CADM2: variants seen among roughly 807,000 people sequenced by gnomAD.
CADM2 encodes the protein cell adhesion molecule 2, also known as immunoglobulin superfamily member 4D.
In CADM2, 12 loss-of-function variants were observed where a neutral mutation model predicts 49.8. That is an observed-to-expected ratio of 0.24 (90% CI 0.15 to 0.39). The LOEUF is 0.39. Among genes scored for constraint, CADM2 ranks in the 10% least tolerant of loss-of-function variants. The pLI, the probability that CADM2 is intolerant of heterozygous loss-of-function variation, is 1.00. For missense variants in CADM2, 378 were observed against 492.3 expected (o/e 0.77, Z 2.20); for synonymous variants, 214 against 175.4 (o/e 1.22, Z -1.74).
At chr3:85,347,059 CT>C (rs1233457321) in intron 1 of CADM2, among the ~76,000 whole-genome samples, 1 of 151,610 alleles carries the variant, frequency 6.6e-6, no homozygotes, top group Non-Finnish European at 1.5e-5. Flanking sequence ...CCCGTCTCTA[CT>C]AAAAATACAA....
intron 1 of CADM2, among the ~76,000 whole-genome samples, chr3:85,462,226 C>T (rs2038280314): frequency 6.6e-6 from 1 of 152,232 alleles, no homozygotes; most frequent in South Asian, 2.1e-4. Context: ...AATATCCCCC[C>T]AATATAATTT....
chr3:85,660,189 G>A (rs900914661), intron 1 of CADM2, among the ~76,000 whole-genome samples: 2 of 151,998 alleles, frequency 1.3e-5, no homozygotes, highest in African/African-American at 4.8e-5. Context: ...AGAGATTTCT[G>A]TATTTTTGTT....
intron 8 of CADM2, among the ~76,000 whole-genome samples, chr3:86,031,855 A>G (rs969439198): frequency 6.6e-6 from 1 of 151,780 alleles, no homozygotes; most frequent in African/African-American, 2.4e-5. Flanking sequence ...TAAGAAAAAC[A>G]ACTTGAAAAG....
At chr3:85,967,301 G>C (rs190835699) in intron 8 of CADM2, among the ~76,000 whole-genome samples, 8 of 151,666 alleles carry the variant, frequency 5.3e-5, no homozygotes, top group Admixed American at 1.3e-4. Context: ...GTCATGGATG[G>C]TATCTTTTCT....
intron 1 of CADM2, among the ~76,000 whole-genome samples, chr3:85,688,050 A>G (rs534347614): frequency 1.3e-5 from 2 of 152,246 alleles, no homozygotes; most frequent in South Asian, 2.1e-4. Flanking sequence ...TCCTGAAACC[A>G]TCACCCCCAG....
chr3:85,963,994 T>C (rs1160396355), intron 8 of CADM2, among the ~76,000 whole-genome samples: 2 of 151,926 alleles, frequency 1.3e-5, no homozygotes, highest in Non-Finnish European at 2.9e-5. Flanking sequence ...CATATTATGC[T>C]GTGTTTAAAA....
At position 85,802,243 on chromosome 3, in the gene CADM2, C is replaced by T. The variant is rs1034995310; in HGVS notation, c.238+47C>T. On this transcript the variant is annotated intron_variant, in intron 3 of 9. Coordinates refer to ENST00000383699, the MANE Select transcript of CADM2 (RefSeq NM_001167675.2). ...TGTTTTAATCGTATTCTAAAATATC[C>T]TAATTACAATAAATTTATTTTTCTG... The T allele has an allele frequency of 4.7e-6, 7 of 1,489,398 alleles. No individual in the cohort carries two copies. The African/African-American group carries it at 8.5e-5, about 18-fold the overall frequency. 92.3% of individuals were successfully genotyped at this position (1,489,398 alleles called of 1,614,324 possible). A position where few individuals can be genotyped will look rare whatever the true frequency, so the allele number is the denominator to read the frequency against.
At chr3:85,525,167 A>T (rs142118443) in intron 1 of CADM2, among the ~76,000 whole-genome samples, 1 of 152,352 alleles carries the variant, frequency 6.6e-6, no homozygotes, top group South Asian at 2.1e-4. Context: ...AAAAATTAAA[A>T]AATAAAACAT....
intron 1 of CADM2, among the ~76,000 whole-genome samples, chr3:85,066,537 G>A (rs1257071276): frequency 6.6e-6 from 1 of 151,928 alleles, no homozygotes; most frequent in Non-Finnish European, 1.5e-5. Flanking sequence ...ACATGCACCT[G>A]CACGCACACA....
At position 85,817,836 on chromosome 3, in the gene CADM2, A is replaced by T. The variant is rs115749881; in HGVS notation, c.238+15640A>T. On this transcript the variant is annotated intron_variant, in intron 3 of 9. Coordinates refer to ENST00000383699, the MANE Select transcript of CADM2 (RefSeq NM_001167675.2). ...TCAAAAACAAATAAACAAACAAAAA[A>T]ACCTTCTTGAGGACAATGAGTTTTG... 5.3e-3 allele frequency among the ~76,000 whole-genome samples: 802 copies of T among 151,740 alleles called. 4 individuals carry two copies. The highest frequency in any genetic ancestry group is 0.019 in the African/African-American group (773 of 41,374).
chr3:84,963,691 A>G (rs2030742758), intron 1 of CADM2, among the ~76,000 whole-genome samples: 1 of 152,318 alleles, frequency 6.6e-6, no homozygotes, highest in Middle Eastern at 3.4e-3. Flanking sequence ...TTGGACGTAC[A>G]TAATACTTGC....
At chr3:85,653,718 C>T (rs4355292) in intron 1 of CADM2, among the ~76,000 whole-genome samples, 58,307 of 151,794 alleles carry the variant, frequency 0.38, 12,299 homozygotes, top group East Asian at 0.54. Context: ...GGAGTTTAAA[C>T]TTATGGGCGT....
At chr3:85,693,915 G>GA (rs146148213) in intron 1 of CADM2, among the ~76,000 whole-genome samples, 365 of 121,974 alleles carry the variant, frequency 3.0e-3, no homozygotes, top group African/African-American at 8.5e-3. Flanking sequence ...AAAGAAAAAA[G>GA]AAAAAAAAAA....
chr3:85,010,060 A>G (rs1312290294), intron 1 of CADM2, among the ~76,000 whole-genome samples: 2 of 152,062 alleles, frequency 1.3e-5, no homozygotes, highest in Non-Finnish European at 2.9e-5. Context: ...AAATCCACTA[A>G]TCATATTCAT....
chr3:85,455,144 GAGGAT>G (rs1474231172), intron 1 of CADM2, among the ~76,000 whole-genome samples: 1 of 152,122 alleles, frequency 6.6e-6, no homozygotes, highest in African/African-American at 2.4e-5. Context: ...ATTTGTTCAA[GAGGAT>G]AATCTACCTC....
At chr3:85,811,856 TG>T (rs368401912) in intron 3 of CADM2, among the ~76,000 whole-genome samples, 7,115 of 138,672 alleles carry the variant, frequency 0.051, 327 homozygotes, top group East Asian at 0.18. Flanking sequence ...AATGCCTTGA[TG>T]TTTTTTTTTT....
At chr3:85,624,411 C>A (rs1206325239) in intron 1 of CADM2, among the ~76,000 whole-genome samples, 1 of 152,100 alleles carries the variant, frequency 6.6e-6, no homozygotes, top group African/African-American at 2.4e-5. Context: ...TGGCTCACTG[C>A]AACCTCCACC....
At chr3:85,787,504 C>G (rs562809238) in intron 2 of CADM2, among the ~76,000 whole-genome samples, 1 of 151,998 alleles carries the variant, frequency 6.6e-6, no homozygotes, top group Non-Finnish European at 1.5e-5. Flanking sequence ...TTCCAGAACC[C>G]TGACTATACC....
intron 8 of CADM2, among the ~76,000 whole-genome samples, chr3:85,999,926 G>T (rs1230665299): frequency 6.6e-6 from 1 of 152,006 alleles, no homozygotes; most frequent in African/African-American, 2.4e-5. Context: ...TTCAAAGGAT[G>T]GCATAAATTA....
Sources: allele counts gnomAD v4.1 joint callset (sites outside exome capture counted in the v4.1 genomes callset), GRCh38; gene constraint gnomAD v4.1.1; transcripts MANE v1.5; gene names NCBI Gene and HGNC (gene_info 2026-07-23, HGNC 2026-07-21).